The following STXBP4 variants were observed in gnomAD, a reference collection of about 807,000 sequenced individuals.
STXBP4 encodes syntaxin-binding protein 4.
STXBP4 carries 55 observed loss-of-function variants against 76.1 expected under a neutral mutation model. The observed-to-expected ratio is 0.72, with a 90% confidence interval of 0.58 to 0.91. The LOEUF is 0.91. Ranked by LOEUF, STXBP4 falls within the 40% of genes least tolerant of loss-of-function variation. The pLI, the probability that STXBP4 is intolerant of heterozygous loss-of-function variation, is 0.00. For missense variants in STXBP4, 618 were observed against 636.9 expected (o/e 0.97, Z 0.32); for synonymous variants, 201 against 220.2 (o/e 0.91, Z 0.77).
At chr17:55,032,267 T>G (rs2078522537) in intron 9 of STXBP4, among the ~76,000 whole-genome samples, 1 of 152,110 alleles carries the variant, frequency 6.6e-6, no homozygotes, top group Non-Finnish European at 1.5e-5. Flanking sequence ...GACCTTTTGG[T>G]TTTTAAGTGA....
intron 9 of STXBP4, among the ~76,000 whole-genome samples, chr17:55,033,232 G>C (rs2078540306): frequency 6.6e-6 from 1 of 151,872 alleles, no homozygotes; most frequent in South Asian, 2.1e-4. Flanking sequence ...AAATCAGCTG[G>C]GCATGGTGGT....
intron 16 of STXBP4, among the ~76,000 whole-genome samples, chr17:55,130,252 T>C (rs566769828): frequency 6.6e-6 from 1 of 152,322 alleles, no homozygotes; most frequent in East Asian, 1.9e-4. Flanking sequence ...ACTTTCAACC[T>C]ACAGAACTTT....
chr17:55,201,432 G>A, the STXBP4 span, among the ~76,000 whole-genome samples: 2 of 151,818 alleles, frequency 1.3e-5, no homozygotes, highest in African/African-American at 4.8e-5. Flanking sequence ...GGGAAGGAGA[G>A]GAAAGGAGGG....
intron 14 of STXBP4, 58 bp downstream of exon 14, chr17:55,078,252 T>C (rs1317911749): frequency 5.5e-6 from 6 of 1,089,330 alleles, no homozygotes; most frequent in African/African-American, 1.6e-5. Flanking sequence ...AACTGGCATA[T>C]AGATAAATGT....
At position 55,173,150 on chromosome 17, in the gene STXBP4, T is replaced by G. The variant is rs2080415719; in HGVS notation, c.*13239T>G. On this transcript the variant is annotated 3_prime_UTR_variant, in exon 18 of 18. Coordinates refer to ENST00000376352, the MANE Select transcript of STXBP4 (RefSeq NM_178509.6). ...TTTGTTTCATTGTTTTGCCTTGTTT[T>G]GTCATTGAGTTGTTATAGTTAAAGT... The G allele has an allele frequency of 6.6e-6, 1 of 152,232 alleles. No individual in the cohort carries two copies. Among genetic ancestry groups the G allele is most frequent in the Admixed American group, 6.5e-5 (1 of 15,286 alleles). The allele number at this position is 152,232 out of a possible 1,614,324, so 9.4% of individuals were successfully genotyped here.
At chr17:54,992,056 T>G (rs1045440518) in intron 4 of STXBP4, among the ~76,000 whole-genome samples, 6 of 152,110 alleles carry the variant, frequency 3.9e-5, no homozygotes, top group Non-Finnish European at 7.3e-5. Context: ...ATAGTTGTAG[T>G]ACTTTCAATT....
intron 16 of STXBP4, among the ~76,000 whole-genome samples, chr17:55,113,903 C>T (rs1288064034): frequency 2.0e-5 from 3 of 152,122 alleles, no homozygotes; most frequent in East Asian, 1.9e-4. Flanking sequence ...CGATATTACC[C>T]GTGTTCAAAT....
At chr17:55,085,029 A>G (rs1598297684) in intron 16 of STXBP4, among the ~76,000 whole-genome samples, 1 of 152,250 alleles carries the variant, frequency 6.6e-6, no homozygotes, top group Admixed American at 6.5e-5. Context: ...CTATGCAGCC[A>G]TAAAAATGAT....
intron 8 of STXBP4, among the ~76,000 whole-genome samples, chr17:55,023,839 G>A (rs2541245): frequency 0.79 from 118,097 of 148,756 alleles, 47,310 homozygotes; most frequent in African/African-American, 0.91. Flanking sequence ...GCCTCAAGCC[G>A]TTTTCAGTTG....
At chr17:55,009,063 A>G (rs527365655) in intron 8 of STXBP4, among the ~76,000 whole-genome samples, 6 of 152,302 alleles carry the variant, frequency 3.9e-5, no homozygotes, top group African/African-American at 7.2e-5. Context: ...TGTTTTATCA[A>G]TGAAATTATA....
chr17:55,002,256 T>C (rs1259787941), intron 7 of STXBP4, among the ~76,000 whole-genome samples: 1 of 152,126 alleles, frequency 6.6e-6, no homozygotes, highest in Non-Finnish European at 1.5e-5. Context: ...ATATTAATAA[T>C]TATATAACAT....
intron 17 of STXBP4, among the ~76,000 whole-genome samples, chr17:55,157,792 TTACCA>T (rs2080297183): frequency 6.6e-6 from 1 of 152,198 alleles, no homozygotes; most frequent in African/African-American, 2.4e-5. Context: ...ACAGTGGAAC[TTACCA>T]TTTGTACTAC....
In STXBP4 at chr17:55,168,261, C is replaced by T. The variant is rs2080388136; in HGVS notation, c.*8350C>T. 6.6e-6 allele frequency: 1 copy of T among 151,856 alleles called. No homozygotes were observed. The highest frequency in any genetic ancestry group is 2.4e-5 in the African/African-American group (1 of 41,312). 9.4% of individuals were successfully genotyped at this position (151,856 alleles called of 1,614,324 possible). A position where few individuals can be genotyped will look rare whatever the true frequency, so the allele number is the denominator to read the frequency against. On this transcript the variant is annotated 3_prime_UTR_variant, in exon 18 of 18. Transcript: ENST00000376352. ...TATATACACACCACACACACACACA[C>T]ACACACGTATTGGAGGAATAAGAAA...
intron 12 of STXBP4, among the ~76,000 whole-genome samples, chr17:55,069,765 A>G (rs1056191177): frequency 6.6e-6 from 1 of 152,196 alleles, no homozygotes; most frequent in Non-Finnish European, 1.5e-5. Context: ...AATAATGGCT[A>G]TATAAATTCC....
At chr17:55,021,637 C>T (rs188139336) in intron 8 of STXBP4, among the ~76,000 whole-genome samples, 2 of 152,090 alleles carry the variant, frequency 1.3e-5, no homozygotes, top group Admixed American at 6.6e-5. Context: ...TCTCCTAAGC[C>T]GACCCAAGCA....
chr17:55,068,170 A>AT (rs1360648815), intron 12 of STXBP4, among the ~76,000 whole-genome samples: 1 of 152,070 alleles, frequency 6.6e-6, no homozygotes, highest in Admixed American at 6.6e-5. Context: ...GTAACCCTTA[A>AT]TTTTTTTCAC....
the STXBP4 span, among the ~76,000 whole-genome samples, chr17:55,193,370 G>A: frequency 1.3e-5 from 2 of 152,114 alleles, no homozygotes; most frequent in East Asian, 1.9e-4. Flanking sequence ...TTTGAAAGCA[G>A]GCAAAAAAGT....
intron 16 of STXBP4, among the ~76,000 whole-genome samples, chr17:55,115,860 C>A (rs1190857044): frequency 6.6e-6 from 1 of 151,766 alleles, no homozygotes; most frequent in Non-Finnish European, 1.5e-5. Context: ...TTCAAATGTA[C>A]AATTCAGGAT....
chr17:55,145,503 A>G (rs1346095582), intron 17 of STXBP4, among the ~76,000 whole-genome samples: 1 of 152,212 alleles, frequency 6.6e-6, no homozygotes, highest in Non-Finnish European at 1.5e-5. Context: ...TGGCAAGGGA[A>G]TAACTGTCAG....
Sources: gnomAD v4.1 joint callset for allele counts (sites outside exome capture counted in the v4.1 genomes callset) on GRCh38, gnomAD v4.1.1 for gene constraint, MANE v1.5 for transcripts, NCBI Gene and HGNC (gene_info 2026-07-23, HGNC 2026-07-21) for gene names.